Variants in TRIM37 observed in about 807,000 individuals in gnomAD.
TRIM37 encodes E3 ubiquitin-protein ligase TRIM37.
In TRIM37, 80 loss-of-function variants were observed where a neutral mutation model predicts 129.8. The ratio of observed to expected loss-of-function variants is 0.62; its 90% CI spans 0.51 to 0.74. The LOEUF is 0.74. TRIM37 is among the 30% of genes least tolerant of loss of function. The pLI is 0.00. For synonymous variants in TRIM37, 389 were observed against 387.1 expected, an observed-to-expected ratio of 1.00 and a Z score of -0.06; for missense variants, 1,054 against 1,176.5, an observed-to-expected ratio of 0.90 and a Z score of 1.52.
intron 22 of TRIM37, among the ~76,000 whole-genome samples, chr17:59,007,082 T>C (rs1453558866): frequency 6.7e-6 from 1 of 150,282 alleles, no homozygotes; most frequent in African/African-American, 2.5e-5. Context: ...GCAAACATCT[T>C]ACCGCCCTGA....
In TRIM37 at chr17:59,075,648, T is replaced by C; in HGVS notation, c.683A>G (p.Gln228Arg). 1 of 1,600,244 alleles carries C rather than the reference T, an allele frequency of 6.2e-7. No individual in the cohort carries two copies. Among genetic ancestry groups the C allele is most frequent in the Non-Finnish European group, 8.6e-7 (1 of 1,169,580 alleles). ...TCATTACATTTAATATTTCATCACC[T>C]GGTGCTCCACCTCCTGAAGTAAGGA... ...LESLLQEVEHQLRSCSKSELI... is the reference protein window; with the variant it reads ...LESLLQEVEHRLRSCSKSELI... Residue 228 changes from glutamine (Q) to arginine (R), a missense_variant and splice_region_variant, in exon 8 of 24, where the codon CAG (glutamine) becomes CGG (arginine). By Grantham distance (43) the Gln-to-Arg change is conservative. Coordinates refer to ENST00000262294, the MANE Select transcript of TRIM37 (RefSeq NM_015294.6).
intron 17 of TRIM37, among the ~76,000 whole-genome samples, chr17:59,038,204 C>A (rs548355403): frequency 2.8e-4 from 43 of 152,206 alleles, no homozygotes; most frequent in Non-Finnish European, 5.3e-4. Flanking sequence ...CTAAGCACAG[C>A]CTACATTTAA....
chr17:59,056,858 C>T lies in TRIM37; in HGVS notation c.1199+17G>A, dbSNP rs781416356. 1.3e-6 allele frequency: 2 copies of T among 1,547,212 alleles called. No individual in the cohort carries two copies. Among genetic ancestry groups the T allele is most frequent in the Non-Finnish European group, 1.8e-6 (2 of 1,137,998 alleles). ...TTCCCCACAATAAAAACCACAACAT[C>T]AAATTTTTCCTGTTACCTTAAAATC... On this transcript the variant is annotated intron_variant, in intron 13 of 23. Coordinates refer to ENST00000262294, the MANE Select transcript of TRIM37 (RefSeq NM_015294.6).
intron 17 of TRIM37, among the ~76,000 whole-genome samples, chr17:59,037,955 T>C (rs963273968): frequency 6.6e-6 from 1 of 152,146 alleles, no homozygotes; most frequent in Non-Finnish European, 1.5e-5. Flanking sequence ...AAGGGTATGA[T>C]TTTTTCCCTC....
the TRIM37 span, among the ~76,000 whole-genome samples, chr17:58,973,920 C>A: frequency 1.4e-5 from 2 of 143,946 alleles, no homozygotes; most frequent in Non-Finnish European, 3.0e-5. Context: ...CCACTGCGCT[C>A]CAGGCTGGGC....
rs200825817 is a variant in TRIM37 at position 59,047,796 on chromosome 17, C to G, written c.1554G>C (p.Leu518=). 56 of 1,613,986 alleles carry G rather than the reference C, an allele frequency of 3.5e-5. No individual in the cohort carries two copies. Among genetic ancestry groups the G allele is most frequent in the Non-Finnish European group, 4.7e-5 (55 of 1,180,052 alleles). The change falls in exon 16 of 24, where the codon CTG becomes CTC. Residue 518 remains leucine (L), a synonymous_variant. Transcript: ENST00000262294. ...DYHHELSDGD[L]DLDLVYEDEV... ...CATCCTCATAAACAAGATCCAGATC[C>G]AGATCTCCATCTGAAAGCTCGTGCT...
In TRIM37 at chr17:59,011,214, C is replaced by T. The variant is rs550033342; in HGVS notation, c.2695+1114G>A. Reference sequence around the variant, plus strand: ...AGAAAAAGAAAGTATTCCCCACAGGCCCATTCTATAAAGATCTTCAATCAT... The same window carrying T: ...AGAAAAAGAAAGTATTCCCCACAGGTCCATTCTATAAAGATCTTCAATCAT... On this transcript the variant is annotated intron_variant, in intron 22 of 23. Coordinates refer to ENST00000262294, the MANE Select transcript of TRIM37 (RefSeq NM_015294.6). Among the ~76,000 whole-genome samples the T allele has an allele frequency of 3.3e-5, 5 of 151,958 alleles. No individual in the cohort carries two copies. In the East Asian group the frequency reaches 9.7e-4, roughly 29 times the overall value.
At chr17:58,981,172 T>G, downstream of TRIM37, 2 of 645,110 alleles carry the variant, frequency 3.1e-6, no homozygotes, top group Non-Finnish European at 2.6e-6. Context: ...AATAGATCTC[T>G]AGGAAACTCA....
intron 23 of TRIM37, 72 bp from the exon 24 acceptor site, chr17:58,999,531 G>T: frequency 1.6e-6 from 2 of 1,279,828 alleles, no homozygotes; most frequent in Non-Finnish European, 2.2e-6. Context: ...TCCTTCCCAA[G>T]TCTTTAAATA....
At chr17:58,978,845 A>T (rs1598715612), downstream of TRIM37, among the ~76,000 whole-genome samples, 1 of 152,226 alleles carries the variant, frequency 6.6e-6, no homozygotes, top group East Asian at 1.9e-4. Context: ...TGGATTTGGA[A>T]GTGCTCTGGA....
At chr17:58,986,522 T>TTC (rs2143968477) in intron 24 of TRIM37, among the ~76,000 whole-genome samples, 1 of 148,570 alleles carries the variant, frequency 6.7e-6, no homozygotes, top group Non-Finnish European at 1.5e-5. Flanking sequence ...TTTTTTTTTT[T>TTC]CTTTTTTGAG....
the TRIM37 span, chr17:58,972,224 G>A: frequency 6.2e-7 from 1 of 1,614,192 alleles, no homozygotes; most frequent in Non-Finnish European, 8.5e-7. Context: ...TTATGCTTGT[G>A]AGAAAGGGCC....
intron 22 of TRIM37, among the ~76,000 whole-genome samples, chr17:59,008,512 A>G (rs2034831704): frequency 6.6e-6 from 1 of 152,238 alleles, no homozygotes; most frequent in Admixed American, 6.5e-5. Context: ...CTGGTGTCAA[A>G]AAGTTCCAGT....
intron 6 of TRIM37, among the ~76,000 whole-genome samples, chr17:59,080,758 T>C (rs1168450893): frequency 6.6e-6 from 1 of 151,904 alleles, no homozygotes; most frequent in African/African-American, 2.4e-5. Context: ...GCCATTACAC[T>C]CCAGCCTGGG....
chr17:59,103,338 T>C (rs1456681639), intron 2 of TRIM37, among the ~76,000 whole-genome samples: 1 of 151,776 alleles, frequency 6.6e-6, no homozygotes. Flanking sequence ...CCTCATTTTG[T>C]TATTTTGTTT....
At chr17:58,990,162 A>C (rs903040237) in intron 24 of TRIM37, among the ~76,000 whole-genome samples, 1 of 136,878 alleles carries the variant, frequency 7.3e-6, no homozygotes, top group African/African-American at 2.8e-5. Context: ...CTGGGTGACA[A>C]AGCAAGACCT....
At chr17:58,986,854 T>C (rs2031866436) in intron 24 of TRIM37, among the ~76,000 whole-genome samples, 1 of 152,202 alleles carries the variant, frequency 6.6e-6, no homozygotes, top group African/African-American at 2.4e-5. Context: ...ACTTTTTCTA[T>C]TGTGCTTTAG....
chr17:59,106,838 C>CCGG lies in TRIM37; in HGVS notation c.-378_-377insCCG. ...GCCGCAGAGAATTCGCAAACACCAA[C>CCGG]CGTAACCAGAGCAGCTGGGGGCGCG... On this transcript the variant is annotated 5_prime_UTR_variant, in exon 1 of 24. Transcript: ENST00000262294. 1 of 411,902 alleles carries CCGG rather than the reference C, an allele frequency of 2.4e-6. No homozygotes were observed. 25.5% of individuals were successfully genotyped at this position (411,902 alleles called of 1,614,324 possible).
chr17:59,075,745 G>C, intron 7 of TRIM37, 31 bp from the exon 8 acceptor site: 1 of 1,495,582 alleles, frequency 6.7e-7, no homozygotes, highest in Non-Finnish European at 9.3e-7. Flanking sequence ...ATCAACACTT[G>C]GGTTCATTAT....
Sources: gnomAD v4.1 joint callset for allele counts (sites outside exome capture counted in the v4.1 genomes callset) on GRCh38, gnomAD v4.1.1 for gene constraint, MANE v1.5 for transcripts, NCBI Gene and HGNC (gene_info 2026-07-23, HGNC 2026-07-21) for gene names.